The following SHISA9 variants were observed in gnomAD, a reference collection of about 807,000 sequenced individuals.
SHISA9 encodes the protein protein shisa-9.
SHISA9 carries 13 observed loss-of-function variants against 38.0 expected under a neutral mutation model. That is an observed-to-expected ratio of 0.34 (90% confidence interval 0.22 to 0.54). The LOEUF (loss-of-function observed/expected upper bound fraction) is 0.54. SHISA9 is among the 20% of genes least tolerant of loss of function. SHISA9 has a pLI of 0.91. For synonymous variants in SHISA9, 275 were observed against 242.0 expected (o/e 1.14, Z -1.27); for missense variants, 538 against 575.8 (o/e 0.93, Z 0.67).
chr16:13,164,901 G>T (rs1211682160), intron 2 of SHISA9, among the ~76,000 whole-genome samples: 2 of 152,080 alleles, frequency 1.3e-5, no homozygotes, highest in Non-Finnish European at 2.9e-5. Context: ...CTTACAATAT[G>T]GTTCATCTGT....
chr16:13,552,173 G>A, the SHISA9 span, among the ~76,000 whole-genome samples: 7 of 152,288 alleles, frequency 4.6e-5, no homozygotes, highest in African/African-American at 1.7e-4. Flanking sequence ...AGAATGAGAG[G>A]TCTGTGTTCA....
At chr16:12,986,762 C>G (rs1433759935) in intron 2 of SHISA9, among the ~76,000 whole-genome samples, 1 of 152,176 alleles carries the variant, frequency 6.6e-6, no homozygotes, top group Non-Finnish European at 1.5e-5. Context: ...TTAGTCCTGA[C>G]AATTCTACGA....
intron 2 of SHISA9, among the ~76,000 whole-genome samples, chr16:13,026,458 T>C (rs1325077387): frequency 6.6e-6 from 1 of 152,262 alleles, no homozygotes; most frequent in African/African-American, 2.4e-5. Context: ...CTACTACAGT[T>C]TCTTTCTGCA....
intron 2 of SHISA9, among the ~76,000 whole-genome samples, chr16:12,967,524 C>T (rs946053588): frequency 4.0e-5 from 6 of 151,560 alleles, no homozygotes; most frequent in Admixed American, 1.3e-4. Context: ...CAAACCTGCA[C>T]GTTGTGCACA....
intron 2 of SHISA9, among the ~76,000 whole-genome samples, chr16:13,060,842 A>G (rs1024632361): frequency 7.2e-5 from 11 of 152,182 alleles, no homozygotes; most frequent in Middle Eastern, 3.2e-3. Flanking sequence ...GTCAGAGACA[A>G]GAGCCCAGCC....
At chr16:13,128,522 C>A (rs912507242) in intron 2 of SHISA9, among the ~76,000 whole-genome samples, 3 of 152,106 alleles carry the variant, frequency 2.0e-5, no homozygotes, top group Admixed American at 2.0e-4. Flanking sequence ...ATAATAATAC[C>A]TACCATGTAG....
At position 13,157,526 on chromosome 16, in the gene SHISA9, C is replaced by T. The variant is rs143088178; in HGVS notation, c.692-45868C>T. Among the ~76,000 whole-genome samples, 112 of 152,244 alleles carry T rather than the reference C, an allele frequency of 7.4e-4. 2 individuals carry two copies. The highest frequency in any genetic ancestry group is 2.0e-3 in the African/African-American group (84 of 41,544). ...CAAAATACCCATTTTCGAAGATTTT[C>T]GTGAGGATTGAAGGAATTCATACAT... On this transcript the variant is annotated intron_variant, in intron 2 of 4. Coordinates refer to ENST00000558583, the MANE Select transcript of SHISA9 (RefSeq NM_001145204.3).
intron 2 of SHISA9, among the ~76,000 whole-genome samples, chr16:13,030,320 G>C (rs1296590143): frequency 6.6e-6 from 1 of 152,094 alleles, no homozygotes; most frequent in African/African-American, 2.4e-5. Flanking sequence ...CTGGAGAGTC[G>C]ATGCTCCTGG....
intron 2 of SHISA9, among the ~76,000 whole-genome samples, chr16:13,139,752 A>G (rs1302924239): frequency 6.6e-6 from 1 of 152,138 alleles, no homozygotes; most frequent in Non-Finnish European, 1.5e-5. Flanking sequence ...TAACAATTTA[A>G]GGTTCATATG....
chr16:13,124,904 C>T (rs1197502800), intron 2 of SHISA9, among the ~76,000 whole-genome samples: 1 of 152,158 alleles, frequency 6.6e-6, no homozygotes, highest in Non-Finnish European at 1.5e-5. Flanking sequence ...ACTGGGAAAA[C>T]TGGATATCCA....
intron 2 of SHISA9, among the ~76,000 whole-genome samples, chr16:13,202,572 CT>C (rs1162484437): frequency 6.8e-6 from 1 of 146,416 alleles, no homozygotes; most frequent in Non-Finnish European, 1.5e-5. Context: ...TTAAAGCTTC[CT>C]TTTTTCCCTT....
At chr16:13,395,721 G>C in the SHISA9 span, among the ~76,000 whole-genome samples, 2 of 152,242 alleles carry the variant, frequency 1.3e-5, no homozygotes, top group Non-Finnish European at 2.9e-5. Flanking sequence ...ACCTAAGACA[G>C]TTCTTGGAAC....
At chr16:13,144,573 G>A (rs1008653193) in intron 2 of SHISA9, among the ~76,000 whole-genome samples, 13 of 152,120 alleles carry the variant, frequency 8.5e-5, no homozygotes, top group Admixed American at 4.6e-4. Flanking sequence ...TGCATATTAC[G>A]AGGTCGGGGA....
the SHISA9 span, among the ~76,000 whole-genome samples, chr16:13,465,525 T>G: frequency 6.6e-6 from 1 of 152,156 alleles, no homozygotes; most frequent in Admixed American, 6.5e-5. Context: ...AATCACAGGA[T>G]TTGGCATAAG....
chr16:12,953,773 G>A (rs912005484), intron 2 of SHISA9, among the ~76,000 whole-genome samples: 6 of 152,174 alleles, frequency 3.9e-5, no homozygotes, highest in Non-Finnish European at 7.3e-5. Context: ...AGGTTTAATT[G>A]ACTCAGTTTT....
the SHISA9 span, among the ~76,000 whole-genome samples, chr16:13,457,696 G>T: frequency 6.6e-6 from 1 of 151,584 alleles, no homozygotes; most frequent in Non-Finnish European, 1.5e-5. Flanking sequence ...GAGTTTCTTT[G>T]CACTGGCTAC....
chr16:13,314,596 A>C, the SHISA9 span, among the ~76,000 whole-genome samples: 10 of 152,154 alleles, frequency 6.6e-5, no homozygotes, highest in Admixed American at 5.2e-4. Context: ...CCAAAAAAAA[A>C]CGTGCATACA....
the SHISA9 span, among the ~76,000 whole-genome samples, chr16:13,330,341 T>C: frequency 2.0e-5 from 3 of 152,232 alleles, no homozygotes; most frequent in African/African-American, 7.2e-5. Context: ...CATGTATCTA[T>C]TTGTATATTT....
At chr16:13,256,179 C>T in the SHISA9 span, among the ~76,000 whole-genome samples, 1 of 152,218 alleles carries the variant, frequency 6.6e-6, no homozygotes, top group Admixed American at 6.5e-5. Context: ...CTTTAAGACG[C>T]AGATCAGATT....
Sources: allele counts gnomAD v4.1 joint callset (sites outside exome capture counted in the v4.1 genomes callset), GRCh38; gene constraint gnomAD v4.1.1; transcripts MANE v1.5; gene names NCBI Gene and HGNC (gene_info 2026-07-23, HGNC 2026-07-21).